Variants in KIF5C observed in about 807,000 individuals in gnomAD.
KIF5C encodes kinesin family member 5C, also known as kinesin heavy chain isoform 5C.
A neutral mutation model predicts 125.2 loss-of-function variants in KIF5C; 18 were observed. The observed-to-expected ratio is 0.14, with a 90% confidence interval of 0.10 to 0.21. KIF5C has a LOEUF of 0.21. Among genes scored for constraint, KIF5C ranks in the 10% least tolerant of loss-of-function variants. KIF5C has a pLI of 1.00. For missense variants in KIF5C, 780 were observed against 1,183.8 expected, an observed-to-expected ratio of 0.66 and a Z score of 5.01; for synonymous variants, 405 against 434.0, an observed-to-expected ratio of 0.93 and a Z score of 0.83.
At chr2:148,922,093 T>C (rs1681809837) in intron 1 of KIF5C, 44 bp from the exon 2 acceptor site, 1 of 1,336,806 alleles carries the variant, frequency 7.5e-7, no homozygotes, top group Non-Finnish European at 1.1e-6. Context: ...AAACATCTAA[T>C]GTGTTTTTTC....
chr2:148,958,717 C>T (rs1682855036), intron 10 of KIF5C, among the ~76,000 whole-genome samples: 1 of 152,112 alleles, frequency 6.6e-6, no homozygotes, highest in African/African-American at 2.4e-5. Flanking sequence ...CATGGTGGCT[C>T]ATGCCTGCAA....
chr2:148,884,948 C>G (rs576707763), intron 1 of KIF5C, among the ~76,000 whole-genome samples: 2 of 151,014 alleles, frequency 1.3e-5, no homozygotes, highest in African/African-American at 4.9e-5. Context: ...CTATCCCCCC[C>G]TCACAATGGC....
intron 10 of KIF5C, among the ~76,000 whole-genome samples, chr2:148,954,359 T>G (rs1682742117): frequency 6.6e-6 from 1 of 152,220 alleles, no homozygotes; most frequent in East Asian, 1.9e-4. Flanking sequence ...TTTTATTGAT[T>G]CTTTTCTTCT....
In KIF5C at chr2:148,973,492, A is replaced by G; in HGVS notation, c.1274A>G (p.Tyr425Cys). 6.2e-7 allele frequency: 1 copy of G among 1,610,340 alleles called. No individual in the cohort carries two copies. Among genetic ancestry groups the G allele is most frequent in the Non-Finnish European group, 8.5e-7 (1 of 1,178,618 alleles). The change falls in exon 12 of 26, where the codon TAC becomes TGC. Residue 425 changes from tyrosine to cysteine, a missense_variant. Tyr to Cys is a radical substitution (Grantham distance 194). This residue lies in a region of KIF5C where 573 missense variants were observed against 742.6 expected (regional missense o/e 0.77). Coordinates refer to ENST00000435030, the MANE Select transcript of KIF5C (RefSeq NM_004522.3). Reference protein sequence around the residue: ...EKYDEEISSLYRQLDDKDDEI... With the variant: ...EKYDEEISSLCRQLDDKDDEI... ...TACGATGAGGAGATCTCCAGTCTCT[A>G]CAGACAACTGGATGACAAGGTCTGT...
intron 1 of KIF5C, chr2:148,883,549 T>G (rs1681428769): frequency 6.6e-6 from 1 of 152,104 alleles, no homozygotes; most frequent in African/African-American, 2.4e-5. Flanking sequence ...ACACGATAAT[T>G]AACATTTTAT....
rs1244500438 is a variant in KIF5C at position 148,994,393 on chromosome 2, T to C, written c.1906-28T>C. ...AGCCTGGATGACCACTTGCTAGTCA[T>C]TCACTCTTCCTTTTTGCTTGTTTAA... On this transcript the variant is annotated intron_variant, in intron 16 of 25. Coordinates refer to ENST00000435030, the MANE Select transcript of KIF5C (RefSeq NM_004522.3). 24 of 1,549,030 alleles carry C rather than the reference T, an allele frequency of 1.5e-5. No homozygotes were observed. In the Admixed American group the frequency reaches 4.7e-4, roughly 31 times the overall value.
chr2:148,888,447 G>A (rs1681615968), intron 1 of KIF5C: 1 of 152,162 alleles, frequency 6.6e-6, no homozygotes. Context: ...CACTCCGCTT[G>A]GCGCCGTGAG....
intron 16 of KIF5C, 105 bp from the exon 17 acceptor site, chr2:148,994,316 G>A: frequency 1.4e-6 from 2 of 1,451,336 alleles, no homozygotes; most frequent in Non-Finnish European, 9.2e-7. Flanking sequence ...CTCAGAAAAG[G>A]GACTCAGGAA....
At chr2:148,987,772 T>C (rs62182691) in intron 15 of KIF5C, among the ~76,000 whole-genome samples, 8,710 of 152,280 alleles carry the variant, frequency 0.057, 309 homozygotes, top group Non-Finnish European at 0.086. Context: ...GAAGTTGAGG[T>C]AGAGTAAATG....
At chr2:148,899,351 GA>G (rs1680794156) in intron 1 of KIF5C, among the ~76,000 whole-genome samples, 1 of 152,118 alleles carries the variant, frequency 6.6e-6, no homozygotes, top group Non-Finnish European at 1.5e-5. Flanking sequence ...GCAAATTAAA[GA>G]GATTTATTTT....
At chr2:148,890,915 T>C (rs1484983868) in intron 1 of KIF5C, among the ~76,000 whole-genome samples, 3 of 152,222 alleles carry the variant, frequency 2.0e-5, no homozygotes, top group African/African-American at 4.8e-5. Context: ...AGTTGGAGGA[T>C]GACATTGTTC....
intron 15 of KIF5C, among the ~76,000 whole-genome samples, chr2:148,984,648 C>G (rs909795339): frequency 6.6e-6 from 1 of 152,162 alleles, no homozygotes; most frequent in Non-Finnish European, 1.5e-5. Context: ...TATCCTTACA[C>G]TTCATTGGCC....
At chr2:148,967,980 T>G (rs1680792818) in intron 11 of KIF5C, among the ~76,000 whole-genome samples, 1 of 152,198 alleles carries the variant, frequency 6.6e-6, no homozygotes. Context: ...GGGTGAAGTC[T>G]GGATGCATGG....
chr2:148,996,424 A>G (rs963113337), intron 17 of KIF5C, among the ~76,000 whole-genome samples: 7 of 152,262 alleles, frequency 4.6e-5, no homozygotes, highest in African/African-American at 1.7e-4. Flanking sequence ...TCAAAACTGC[A>G]CATGGAAAAT....
Position 148,998,649 on chromosome 2 carries a change from G to T in KIF5C, c.2210+140G>T, listed in dbSNP as rs1044850456. On this transcript the variant is annotated intron_variant, in intron 19 of 25. Coordinates refer to ENST00000435030, the MANE Select transcript of KIF5C (RefSeq NM_004522.3). ...ACTGCCCTGGTGACACAGCAGGCTG[G>T]GCGGGCTGCTTCCAAGGTCTGTTCT... 5.9e-6 allele frequency: 8 copies of T among 1,354,552 alleles called. No individual in the cohort carries two copies. The South Asian group carries it at 1.0e-4, about 17-fold the overall frequency. The allele number at this position is 1,354,552 out of a possible 1,614,324, so 83.9% of individuals were successfully genotyped here. A position where few individuals can be genotyped will look rare whatever the true frequency, so the allele number is the denominator to read the frequency against.
intron 21 of KIF5C, among the ~76,000 whole-genome samples, chr2:149,002,587 ACAAT>A (rs1007386661): frequency 2.0e-4 from 31 of 152,258 alleles, no homozygotes; most frequent in African/African-American, 5.1e-4. Flanking sequence ...GCACATTCAC[ACAAT>A]CACTCTCGTG....
rs1353139517 is a variant in KIF5C, at chr2:149,023,562, C to T, written c.*492C>T. On this transcript the variant is annotated 3_prime_UTR_variant, in exon 26 of 26. Coordinates refer to ENST00000435030, the MANE Select transcript of KIF5C (RefSeq NM_004522.3). ...TAGGGTTCAAAGTTTTCCTTCTGAA[C>T]ACTTTTCCGAAACAAATTACCCCAA... 2 of 152,616 alleles carry T rather than the reference C, an allele frequency of 1.3e-5. No individual in the cohort carries two copies. Among genetic ancestry groups the T allele is most frequent in the Non-Finnish European group, 2.9e-5 (2 of 68,038 alleles). 9.5% of individuals were successfully genotyped at this position (152,616 alleles called of 1,614,324 possible).
intron 17 of KIF5C, among the ~76,000 whole-genome samples, chr2:148,996,714 A>G (rs1681684642): frequency 6.6e-6 from 1 of 152,158 alleles, no homozygotes; most frequent in Admixed American, 6.5e-5. Context: ...TTAATCTCAA[A>G]AATGTTATGC....
intron 1 of KIF5C, among the ~76,000 whole-genome samples, chr2:148,908,502 A>G (rs1681202774): frequency 6.6e-6 from 1 of 152,210 alleles, no homozygotes; most frequent in African/African-American, 2.4e-5. Flanking sequence ...CCCTGACCTT[A>G]GCGTAGTAGG....
Sources: allele counts gnomAD v4.1 joint callset (sites outside exome capture counted in the v4.1 genomes callset), GRCh38; gene constraint gnomAD v4.1.1; regional missense constraint gnomAD v4.1.1; transcripts MANE v1.5; gene names NCBI Gene and HGNC (gene_info 2026-07-23, HGNC 2026-07-21).